LIN54: variants seen among roughly 807,000 people sequenced by gnomAD.
LIN54 encodes the protein protein lin-54 homolog.
In LIN54, 9 loss-of-function variants were observed where a neutral mutation model predicts 78.7. That is an observed-to-expected ratio of 0.11 (90% confidence interval 0.07 to 0.20). The LOEUF is 0.20. Ranked by LOEUF, LIN54 falls within the 10% of genes least tolerant of loss-of-function variation. The pLI, the probability that LIN54 is intolerant of heterozygous loss-of-function variation, is 1.00. For missense variants in LIN54, 573 were observed against 889.9 expected, an observed-to-expected ratio of 0.64 and a Z score of 4.53; for synonymous variants, 269 against 318.4, an observed-to-expected ratio of 0.84 and a Z score of 1.65.
intron 3 of LIN54, among the ~76,000 whole-genome samples, chr4:82,975,683 G>A (rs1726105867): frequency 6.6e-6 from 1 of 151,648 alleles, no homozygotes. Context: ...TTGCACTCCA[G>A]CCTGGGCAAA....
rs1271082330 is a variant in LIN54 at position 82,927,096 on chromosome 4, C to G, written c.*1006G>C. ...TGGGAGGCAGAGGCGTTGCAGTGAG[C>G]TGAGATCTCACCATTGCACTCCAGC... On this transcript the variant is annotated 3_prime_UTR_variant, in exon 13 of 13. Transcript: ENST00000340417. The G allele has an allele frequency of 6.6e-6, 1 of 150,534 alleles. No individual in the cohort carries two copies. Among genetic ancestry groups the G allele is most frequent in the Non-Finnish European group, 1.5e-5 (1 of 68,108 alleles). 9.3% of individuals were successfully genotyped at this position (150,534 alleles called of 1,614,324 possible). A position where few individuals can be genotyped will look rare whatever the true frequency, so the allele number is the denominator to read the frequency against.
chr4:82,966,628 G>A (rs934897611), intron 4 of LIN54, among the ~76,000 whole-genome samples: 9 of 151,786 alleles, frequency 5.9e-5, no homozygotes, highest in East Asian at 1.9e-4. Flanking sequence ...TTTTGGTTTC[G>A]TTTACTTTTT....
intron 5 of LIN54, among the ~76,000 whole-genome samples, chr4:82,943,804 T>C (rs1419062382): frequency 6.8e-6 from 1 of 147,830 alleles, no homozygotes; most frequent in Non-Finnish European, 1.5e-5. Context: ...AAAAGAGAAG[T>C]AGAGACAGGC....
At chr4:82,968,539 G>A (rs1725405809) in intron 4 of LIN54, among the ~76,000 whole-genome samples, 1 of 151,662 alleles carries the variant, frequency 6.6e-6, no homozygotes, top group Non-Finnish European at 1.5e-5. Context: ...TTTAGCCCCT[G>A]AGCTACTAGT....
Position 83,010,640 on chromosome 4 carries a change from G to A in LIN54, c.-189C>T, listed in dbSNP as rs1729793393. 8.1e-7 allele frequency: 1 copy of A among 1,231,240 alleles called. No homozygotes were observed. Among genetic ancestry groups the A allele is most frequent in the African/African-American group, 1.6e-5 (1 of 64,490 alleles). The allele number at this position is 1,231,240 out of a possible 1,614,324, so 76.3% of individuals were successfully genotyped here. A position where few individuals can be genotyped will look rare whatever the true frequency, so the allele number is the denominator to read the frequency against. ...AGTTTGTCCAAACTGGAGCGCTCCA[G>A]GGTACCCGGGGACCGAGAAGGGAGC... On this transcript the variant is annotated 5_prime_UTR_variant, in exon 1 of 13. Coordinates refer to ENST00000340417, the MANE Select transcript of LIN54 (RefSeq NM_194282.4).
Position 82,927,319 on chromosome 4 carries a change from A to G in LIN54, c.*783T>C, listed in dbSNP as rs1721562713. ...CACTACATAATGTTTACTTCCATTT[A>G]TATCCACCTATCATTTTAATAGTAC... On this transcript the variant is annotated 3_prime_UTR_variant, in exon 13 of 13. Transcript: ENST00000340417. The G allele has an allele frequency of 1.3e-5, 2 of 152,254 alleles. No individual in the cohort carries two copies. Among genetic ancestry groups the G allele is most frequent in the Admixed American group, 6.5e-5 (1 of 15,284 alleles). The allele number at this position is 152,254 out of a possible 1,614,324, so 9.4% of individuals were successfully genotyped here. A position where few individuals can be genotyped will look rare whatever the true frequency, so the allele number is the denominator to read the frequency against.
At chr4:82,978,762 G>T in intron 3 of LIN54, 121 bp downstream of exon 3, 1 of 530,562 alleles carries the variant, frequency 1.9e-6, no homozygotes. Context: ...TTATTAACTA[G>T]TCTGGTTTAT....
chr4:83,006,985 C>G (rs1279150862), intron 1 of LIN54, among the ~76,000 whole-genome samples: 1 of 151,772 alleles, frequency 6.6e-6, no homozygotes, highest in African/African-American at 2.4e-5. Context: ...ACTAAAAATA[C>G]AAAAAGTAGC....
intron 3 of LIN54, among the ~76,000 whole-genome samples, chr4:82,972,657 T>G (rs1725757393): frequency 3.3e-5 from 5 of 152,208 alleles, no homozygotes; most frequent in Admixed American, 1.3e-4. Context: ...TGCTATAATT[T>G]CATGTGTTAG....
At chr4:82,953,830 G>A (rs1040458630) in intron 4 of LIN54, among the ~76,000 whole-genome samples, 10 of 151,996 alleles carry the variant, frequency 6.6e-5, no homozygotes, top group African/African-American at 1.9e-4. Flanking sequence ...TGTGCCTACA[G>A]TCCTAGCCCT....
chr4:82,965,966 T>C (rs1326836262), intron 4 of LIN54, among the ~76,000 whole-genome samples: 1 of 152,238 alleles, frequency 6.6e-6, no homozygotes, highest in Non-Finnish European at 1.5e-5. Context: ...CTATGACATT[T>C]GAAATTGTGG....
intron 5 of LIN54, among the ~76,000 whole-genome samples, chr4:82,942,809 C>A (rs1395958999): frequency 4.6e-5 from 7 of 151,598 alleles, no homozygotes; most frequent in Non-Finnish European, 8.8e-5. Flanking sequence ...TAAATGGGGA[C>A]TATCCCTGCC....
At chr4:82,944,208 T>A (rs929446870) in intron 5 of LIN54, among the ~76,000 whole-genome samples, 1 of 152,008 alleles carries the variant, frequency 6.6e-6, no homozygotes, top group Non-Finnish European at 1.5e-5. Flanking sequence ...ATTCCTCCAC[T>A]CTCCCTGGAT....
At chr4:82,988,506 A>C (rs917968099) in intron 1 of LIN54, among the ~76,000 whole-genome samples, 1 of 152,204 alleles carries the variant, frequency 6.6e-6, no homozygotes, top group African/African-American at 2.4e-5. Context: ...CTTAGGTTCA[A>C]GTTTTTTCAG....
intron 11 of LIN54, among the ~76,000 whole-genome samples, chr4:82,931,386 A>G (rs1331540518): frequency 4.6e-5 from 7 of 152,134 alleles, no homozygotes; most frequent in Admixed American, 4.6e-4. Context: ...GTTTTCCCCC[A>G]CTATGAATAT....
At chr4:82,991,163 A>G (rs1175283027) in intron 1 of LIN54, among the ~76,000 whole-genome samples, 1 of 151,744 alleles carries the variant, frequency 6.6e-6, no homozygotes, top group Non-Finnish European at 1.5e-5. Context: ...AGAAAAAAAA[A>G]AAAAAAAAAA....
intron 1 of LIN54, among the ~76,000 whole-genome samples, chr4:82,986,144 T>G (rs1727111072): frequency 1.3e-5 from 2 of 152,070 alleles, no homozygotes; most frequent in African/African-American, 4.8e-5. Flanking sequence ...AGACAGAGTC[T>G]CGCTCTTGTT....
At chr4:83,007,934 A>G (rs1241692844) in intron 1 of LIN54, among the ~76,000 whole-genome samples, 1 of 152,126 alleles carries the variant, frequency 6.6e-6, no homozygotes, top group African/African-American at 2.4e-5. Flanking sequence ...CAATTGTATT[A>G]TCTTTGACAT....
At position 83,000,550 on chromosome 4, in the gene LIN54, G is replaced by C. The variant is rs571545540; in HGVS notation, c.-33+9934C>G. On this transcript the variant is annotated intron_variant, in intron 1 of 12. Transcript: ENST00000340417. ...AGGAACTGCCTTTTAAAATTCCTTT[G>C]ATATTGGACAATGCTCCCAGCCACT... Among the ~76,000 whole-genome samples, 3 of 152,264 alleles carry C rather than the reference G, an allele frequency of 2.0e-5. No homozygotes were observed. In the East Asian group the frequency reaches 5.8e-4, roughly 29 times the overall value.
Sources: allele counts gnomAD v4.1 joint callset (sites outside exome capture counted in the v4.1 genomes callset), GRCh38; gene constraint gnomAD v4.1.1; transcripts MANE v1.5; gene names NCBI Gene and HGNC (gene_info 2026-07-23, HGNC 2026-07-21).